Variants in AUTS2 observed in about 807,000 individuals in gnomAD.
The protein encoded by AUTS2 is autism susceptibility gene 2 protein.
Under a neutral mutation model 112.4 loss-of-function variants are expected in AUTS2, and 17 were observed. The ratio of observed to expected loss-of-function variants is 0.15; its 90% CI spans 0.10 to 0.23. The LOEUF is 0.23. AUTS2 is among the 10% of genes least tolerant of loss of function. The probability of loss-of-function intolerance (pLI) is 1.00; values close to 1 mark genes in which losing one functional copy is unlikely to be tolerated. For synonymous variants in AUTS2, 751 were observed against 702.7 expected, an observed-to-expected ratio of 1.07 and a Z score of -1.09; for missense variants, 1,510 against 1,701.6, an observed-to-expected ratio of 0.89 and a Z score of 1.98.
In AUTS2 at chr7:70,790,968, A is replaced by G; in HGVS notation, c.3752A>G (p.His1251Arg). 3 of 1,508,060 alleles carry G rather than the reference A, an allele frequency of 2.0e-6. No individual in the cohort carries two copies. In the South Asian group the frequency reaches 4.0e-5, roughly 20 times the overall value. 93.4% of individuals were successfully genotyped at this position (1,508,060 alleles called of 1,614,324 possible). Reference protein sequence around the residue: ...SAEIRERPPSHTLKDIEAR With the variant: ...SAEIRERPPSRTLKDIEAR ...GAGATAAGGGAGAGGCCCCCTTCCC[A>G]CACGCTGAAGGATATCGAGGCCCGA... The change falls in exon 19 of 19, where the codon CAC becomes CGC. Residue 1251 changes from histidine to arginine, a missense_variant. By Grantham distance (29) the His-to-Arg change is conservative. Around this residue, in one of 3 missense-constraint regions of AUTS2, gnomAD observed 788 missense variants for 797.6 expected, o/e 0.99. Coordinates refer to ENST00000342771, the MANE Select transcript of AUTS2 (RefSeq NM_015570.4). This position sits in a 1 kb window ranked among gnomAD's most constrained non-coding sequence, Gnocchi z 7.6.
chr7:69,763,021 G>A (rs1319240178), intron 1 of AUTS2, among the ~76,000 whole-genome samples: 1 of 152,082 alleles, frequency 6.6e-6, no homozygotes, highest in African/African-American at 2.4e-5. Flanking sequence ...TAATCAAGTG[G>A]GAATACAGGA....
At chr7:69,749,224 G>T (rs945827007) in intron 1 of AUTS2, among the ~76,000 whole-genome samples, 2 of 152,054 alleles carry the variant, frequency 1.3e-5, no homozygotes, top group African/African-American at 4.8e-5. Context: ...ATTCCTTTGA[G>T]TCCACCGCCC....
chr7:70,433,632 A>C (rs1255692287), intron 4 of AUTS2, among the ~76,000 whole-genome samples: 2 of 152,186 alleles, frequency 1.3e-5, no homozygotes, highest in Admixed American at 6.5e-5. Context: ...AAATGTAGAC[A>C]ATCTGAGGTT....
intron 1 of AUTS2, among the ~76,000 whole-genome samples, chr7:69,847,134 T>C (rs1584333187): frequency 6.6e-6 from 1 of 152,312 alleles, no homozygotes; most frequent in Admixed American, 6.5e-5. Context: ...TTAAATATTA[T>C]TACTTGTCCT....
intron 5 of AUTS2, among the ~76,000 whole-genome samples, chr7:70,487,916 A>G (rs1798077567): frequency 6.6e-6 from 1 of 152,158 alleles, no homozygotes; most frequent in African/African-American, 2.4e-5. Context: ...TAGGGGGATG[A>G]GTAGATGGAA....
intron 2 of AUTS2, among the ~76,000 whole-genome samples, chr7:70,062,747 C>T (rs532539104): frequency 1.3e-5 from 2 of 152,310 alleles, no homozygotes; most frequent in Non-Finnish European, 2.9e-5. Context: ...AGACTTACCT[C>T]ACCTTACTCT....
chr7:69,658,510 T>C (rs1028682748), intron 1 of AUTS2, among the ~76,000 whole-genome samples: 5 of 152,228 alleles, frequency 3.3e-5, no homozygotes, highest in African/African-American at 1.2e-4. Flanking sequence ...AGAAACTTTA[T>C]AAAGAGTTAA....
intron 4 of AUTS2, among the ~76,000 whole-genome samples, chr7:70,163,360 A>AG (rs1562753323): frequency 2.4e-3 from 6 of 2,460 alleles, no homozygotes; most frequent in South Asian, 0.01. Flanking sequence ...GGGGGGGGGC[A>AG]GAGGGGGAGG....
intron 4 of AUTS2, among the ~76,000 whole-genome samples, chr7:70,289,680 C>T (rs79986437): frequency 1.1e-3 from 161 of 152,220 alleles, no homozygotes; most frequent in African/African-American, 3.8e-3. Context: ...GACCAAAGAC[C>T]CAAGATAGTT....
chr7:69,744,213 G>A lies in AUTS2; in HGVS notation c.309+144251G>A, dbSNP rs148132473. Among the ~76,000 whole-genome samples, 295 of 152,284 alleles carry A rather than the reference G, an allele frequency of 1.9e-3. 1 individual carries two copies. The highest frequency in any genetic ancestry group is 6.3e-3 in the African/African-American group (262 of 41,558). The stretch of plus-strand genomic sequence containing the variant: ...CAGTGTGTTTAGCCGTTCTGCTGGC[G>A]ATGGCTTTTGGGTTGTTTCCAATTT... On this transcript the variant is annotated intron_variant, in intron 1 of 18. Transcript: ENST00000342771.
intron 5 of AUTS2, chr7:70,437,631 G>A (rs1434419460): frequency 6.6e-6 from 1 of 152,160 alleles, no homozygotes; most frequent in Non-Finnish European, 1.5e-5. Context: ...ACGAGGTCAG[G>A]AGATTGAGAC....
chr7:70,386,064 G>C (rs909044872), intron 4 of AUTS2, among the ~76,000 whole-genome samples: 43 of 152,178 alleles, frequency 2.8e-4, no homozygotes, highest in Admixed American at 2.7e-3. Flanking sequence ...ATGCTTTTCA[G>C]GTGGCTTAGA....
intron 6 of AUTS2, among the ~76,000 whole-genome samples, chr7:70,718,466 T>C (rs1415900455): frequency 1.3e-5 from 2 of 152,116 alleles, no homozygotes; most frequent in African/African-American, 4.8e-5. Flanking sequence ...AGTTGGAGAC[T>C]AGCCTGGCCA....
intron 4 of AUTS2, among the ~76,000 whole-genome samples, chr7:70,168,634 A>T (rs1808510079): frequency 1.3e-5 from 2 of 152,226 alleles, no homozygotes; most frequent in Admixed American, 6.5e-5. Flanking sequence ...CTTTTAAAGA[A>T]GCAGAATTTG....
chr7:69,610,564 G>A (rs555709921), intron 1 of AUTS2, among the ~76,000 whole-genome samples: 6 of 152,090 alleles, frequency 3.9e-5, no homozygotes, highest in East Asian at 1.9e-4. Flanking sequence ...ACGTGTTCCC[G>A]GTGCTCTGTT....
At chr7:70,090,195 G>A (rs954445935) in intron 2 of AUTS2, among the ~76,000 whole-genome samples, 2 of 151,474 alleles carry the variant, frequency 1.3e-5, no homozygotes, top group African/African-American at 4.8e-5. Flanking sequence ...ATACCTTCAA[G>A]TGATATACTA....
intron 1 of AUTS2, among the ~76,000 whole-genome samples, chr7:69,615,417 C>T (rs1463335719): frequency 6.6e-6 from 1 of 152,156 alleles, no homozygotes; most frequent in Non-Finnish European, 1.5e-5. Flanking sequence ...ATTCTCCTGC[C>T]TCAGCCTCCC....
At position 70,001,488 on chromosome 7, in the gene AUTS2, T is replaced by C. The variant is rs535999592; in HGVS notation, c.522+101990T>C. 2.6e-5 allele frequency among the ~76,000 whole-genome samples: 4 copies of C among 152,056 alleles called. No individual in the cohort carries two copies. In the South Asian group the frequency reaches 8.3e-4, roughly 32 times the overall value. On this transcript the variant is annotated intron_variant, in intron 2 of 18. Transcript: ENST00000342771. ...AAAGGTGATTATTGCCAATGGTGGT[T>C]GGTATAGTGCTGAGTGATACAGAAT... is the stretch of plus-strand genomic sequence containing the variant.
intron 1 of AUTS2, among the ~76,000 whole-genome samples, chr7:69,710,857 AGTT>A (rs556663142): frequency 6.6e-6 from 1 of 152,060 alleles, no homozygotes; most frequent in South Asian, 2.1e-4. Flanking sequence ...TTCATTTAGG[AGTT>A]GTTAAGCTGT....
Sources: gnomAD v4.1 joint callset for allele counts (sites outside exome capture counted in the v4.1 genomes callset) on GRCh38, gnomAD v4.1.1 for gene constraint, gnomAD v4.1.1 regional missense constraint, Gnocchi (gnomAD v3.1) non-coding constraint, MANE v1.5 for transcripts, NCBI Gene and HGNC (gene_info 2026-07-23, HGNC 2026-07-21) for gene names.